The following SENP2 variants were observed in gnomAD, a reference collection of about 807,000 sequenced individuals.
The protein encoded by SENP2 is SUMO specific peptidase 2.
A neutral mutation model predicts 86.3 loss-of-function variants in SENP2; 16 were observed. The ratio of observed to expected loss-of-function variants is 0.19; its 90% CI spans 0.13 to 0.28. SENP2 has a LOEUF of 0.28. Among genes scored for constraint, SENP2 ranks in the 10% least tolerant of loss-of-function variants. The pLI is 1.00. For missense variants in SENP2, 552 were observed against 703.0 expected, an observed-to-expected ratio of 0.79 and a Z score of 2.43; for synonymous variants, 222 against 238.7, an observed-to-expected ratio of 0.93 and a Z score of 0.64.
chr3:185,609,659 A>G (rs1229139865), intron 7 of SENP2, among the ~76,000 whole-genome samples: 1 of 151,968 alleles, frequency 6.6e-6, no homozygotes, highest in African/African-American at 2.4e-5. Context: ...CCTCCCCAGC[A>G]TACATTTCCC....
At chr3:185,590,769 G>A (rs1459303052) in intron 2 of SENP2, among the ~76,000 whole-genome samples, 1 of 138,564 alleles carries the variant, frequency 7.2e-6, no homozygotes, top group African/African-American at 2.7e-5. Flanking sequence ...GCTGAGGCAC[G>A]AGAATCGCGT....
rs71627028 is a variant in SENP2, at chr3:185,632,237, G to GTTTTTTTTTTTTTTTTTTTTT, written c.*2411_*2412insTTTTTTTTTTTTTTTTTTTTT. ...GGTTTTTTTTTTGTTTTTTTTTTTTGTTTTTTTTTTTTTTTTTTGCGACAG... is the reference window on the plus strand; with the variant it reads ...GGTTTTTTTTTTGTTTTTTTTTTTTGTTTTTTTTTTTTTTTTTTTTTTTTTTTTTTTTTTTTTTTGCGACAG... On this transcript the variant is annotated 3_prime_UTR_variant, in exon 17 of 17. Transcript: ENST00000296257. The GTTTTTTTTTTTTTTTTTTTTT allele has an allele frequency of 9.5e-5, 6 of 63,460 alleles. No homozygotes were observed. The highest frequency in any genetic ancestry group is 1.9e-4 in the Non-Finnish European group (6 of 32,222). The allele number at this position is 63,460 out of a possible 1,614,324, so 3.9% of individuals were successfully genotyped here. A position where few individuals can be genotyped will look rare whatever the true frequency, so the allele number is the denominator to read the frequency against.
chr3:185,589,797 G>A (rs574120637), intron 1 of SENP2, among the ~76,000 whole-genome samples: 99 of 152,170 alleles, frequency 6.5e-4, no homozygotes, highest in African/African-American at 2.3e-3. Context: ...GTGTAGCTGG[G>A]ACCACACTCA....
At chr3:185,618,180 G>A (rs959580927) in intron 12 of SENP2, among the ~76,000 whole-genome samples, 7 of 152,204 alleles carry the variant, frequency 4.6e-5, no homozygotes, top group African/African-American at 1.7e-4. Flanking sequence ...TGGACCTCAG[G>A]TGATCCGCCC....
At position 185,590,131 on chromosome 3, in the gene SENP2, T is replaced by C; in HGVS notation, c.119T>C (p.Val40Ala). ...TTTTTCAGCACTCTGTTTTCTACAG[T>C]GGACACTGATGAAATACCAGCCAAA... ...RRSDSTLFST[V>A]DTDEIPAKRP... is the part of the protein sequence containing the mutation. The change falls in exon 2 of 17, where the codon GTG becomes GCG. Residue 40 changes from valine (V) to alanine (A), a missense_variant. By Grantham distance (64) the Val-to-Ala change is moderately conservative. Around this residue, in one of 2 missense-constraint regions of SENP2, gnomAD observed 383 missense variants for 427.3 expected, o/e 0.90. Coordinates refer to ENST00000296257, the MANE Select transcript of SENP2 (RefSeq NM_021627.3). The C allele has an allele frequency of 6.5e-7, 1 of 1,548,218 alleles. No individual in the cohort carries two copies. The highest frequency in any genetic ancestry group is 8.7e-7 in the Non-Finnish European group (1 of 1,145,302).
chr3:185,605,971 A>T (rs1304367372), intron 5 of SENP2, among the ~76,000 whole-genome samples: 1 of 152,230 alleles, frequency 6.6e-6, no homozygotes, highest in African/African-American at 2.4e-5. Context: ...TTAAACAAAT[A>T]ATCATACCAG....
chr3:185,600,689 A>AT (rs1259418572), intron 4 of SENP2, 76 bp from the exon 5 acceptor site: 38 of 949,764 alleles, frequency 4.0e-5, no homozygotes, highest in Admixed American at 6.1e-5. Context: ...TTGCTCACAG[A>AT]TTTTTTTTCT....
rs1712429683 is a variant in SENP2 at position 185,630,969 on chromosome 3, G to A, written c.*1125G>A. 1 of 151,968 alleles carries A rather than the reference G, an allele frequency of 6.6e-6. No homozygotes were observed. The highest frequency in any genetic ancestry group is 2.4e-5 in the African/African-American group (1 of 41,344). The allele number at this position is 151,968 out of a possible 1,614,324, so 9.4% of individuals were successfully genotyped here. A position where few individuals can be genotyped will look rare whatever the true frequency, so the allele number is the denominator to read the frequency against. ...ATGAAAGTTTGTATTTAACTTTTTT[G>A]TTCATTAAAAACCTTACTGATATGG... On this transcript the variant is annotated 3_prime_UTR_variant, in exon 17 of 17. Transcript: ENST00000296257.
Position 185,609,355 on chromosome 3 carries a change from CAGTG to C in SENP2, c.722+8_722+11del. ...TGTAACTTCAAATTATCACAGGTGA[CAGTG>C]AGCTAACAGATAATGCTTTGCTAGG... On this transcript the variant is annotated splice_donor_region_variant and intron_variant, in intron 7 of 16. Transcript: ENST00000296257. 6.3e-7 allele frequency: 1 copy of C among 1,586,316 alleles called. No homozygotes were observed. Among genetic ancestry groups the C allele is most frequent in the South Asian group, 1.1e-5 (1 of 90,198 alleles).
At chr3:185,611,264 G>A (rs554165428) in intron 7 of SENP2, among the ~76,000 whole-genome samples, 2 of 152,360 alleles carry the variant, frequency 1.3e-5, no homozygotes, top group East Asian at 1.9e-4. Context: ...GCGACAGTGC[G>A]AGACTCCGTC....
intron 11 of SENP2, 125 bp from the exon 12 acceptor site, chr3:185,617,355 T>C: frequency 1.6e-6 from 1 of 638,630 alleles, no homozygotes; most frequent in Admixed American, 3.3e-5. Context: ...AGGTCTTTGA[T>C]AGTATATTTT....
At chr3:185,590,841 C>G (rs1465357940) in intron 2 of SENP2, among the ~76,000 whole-genome samples, 4 of 107,046 alleles carry the variant, frequency 3.7e-5, no homozygotes, top group Admixed American at 1.3e-4. Context: ...GCACTCCAGC[C>G]TGGGCGACAG....
At chr3:185,602,907 G>A (rs1360562409) in intron 5 of SENP2, among the ~76,000 whole-genome samples, 5 of 131,098 alleles carry the variant, frequency 3.8e-5, no homozygotes, top group Non-Finnish European at 7.9e-5. Context: ...CTCCTTACAC[G>A]TTACTTTTTT....
At chr3:185,608,609 G>C (rs550546765) in intron 6 of SENP2, among the ~76,000 whole-genome samples, 1 of 152,278 alleles carries the variant, frequency 6.6e-6, no homozygotes, top group African/African-American at 2.4e-5. Context: ...ACCTGTTGGT[G>C]TTATTTAAAT....
chr3:185,606,467 G>T lies in SENP2; in HGVS notation c.587G>T (p.Gly196Val). 1 of 1,612,592 alleles carries T rather than the reference G, an allele frequency of 6.2e-7. No individual in the cohort carries two copies. Among genetic ancestry groups the T allele is most frequent in the Middle Eastern group, 1.7e-4 (1 of 6,052 alleles). The change falls in exon 6 of 17, where the codon GGT becomes GTT. Residue 196 changes from glycine to valine, a missense_variant. This residue lies in a region of SENP2 where 383 missense variants were observed against 427.3 expected (regional missense o/e 0.90). Transcript: ENST00000296257. Reference protein sequence around the residue: ...TEMISEESGKGLRRPHCTVEE... With the variant: ...TEMISEESGKVLRRPHCTVEE... ...ATGATTTCTGAAGAGAGTGGCAAGG[G>T]TCTGAGGCGTCCCCATTGTACTGTG...
At chr3:185,600,669 A>T (rs907620035) in intron 4 of SENP2, 96 bp from the exon 5 acceptor site, 2 of 741,674 alleles carry the variant, frequency 2.7e-6, no homozygotes, top group Non-Finnish European at 4.7e-6. Context: ...ATTTAGCTCT[A>T]TGATGTAGGT....
At chr3:185,605,678 G>A in intron 5 of SENP2, among the ~76,000 whole-genome samples, 1 of 85,166 alleles carries the variant, frequency 1.2e-5, no homozygotes, top group Non-Finnish European at 2.4e-5. Flanking sequence ...TTTTTTTTTT[G>A]AAACACCACA....
rs781216428 is a variant in SENP2 at position 185,596,786 on chromosome 3, C to T, written c.158-1626C>T. 1.6e-4 allele frequency among the ~76,000 whole-genome samples: 24 copies of T among 152,156 alleles called. No individual in the cohort carries two copies. In the East Asian group the frequency reaches 1.7e-3, roughly 11 times the overall value. On this transcript the variant is annotated intron_variant, in intron 2 of 16. Transcript: ENST00000296257. ...GCTTCCTGTAGAATTCTGCCGTACTCGGTGGCTATATGCTCCTTGTTGTTT... is the reference window on the plus strand; with the variant it reads ...GCTTCCTGTAGAATTCTGCCGTACTTGGTGGCTATATGCTCCTTGTTGTTT...
intron 5 of SENP2, among the ~76,000 whole-genome samples, chr3:185,605,129 G>A (rs1722470182): frequency 6.6e-6 from 1 of 151,410 alleles, no homozygotes; most frequent in Non-Finnish European, 1.5e-5. Flanking sequence ...CAGCACTTTG[G>A]GAGGCTGAAG....
Sources: allele counts gnomAD v4.1 joint callset (sites outside exome capture counted in the v4.1 genomes callset), GRCh38; gene constraint gnomAD v4.1.1; regional missense constraint gnomAD v4.1.1; transcripts MANE v1.5; gene names NCBI Gene and HGNC (gene_info 2026-07-23, HGNC 2026-07-21).